Variants in ZNF142 observed in about 807,000 individuals in gnomAD.
ZNF142 encodes zinc finger protein 142 (clone pHZ-49).
In ZNF142, 96 loss-of-function variants were observed where a neutral mutation model predicts 132.1. The observed-to-expected ratio is 0.73, with a 90% CI of 0.62 to 0.86. The LOEUF (loss-of-function observed/expected upper bound fraction) is 0.86. Ranked by LOEUF, ZNF142 falls within the 40% of genes least tolerant of loss-of-function variation. The probability of loss-of-function intolerance (pLI) is 0.00; values close to 1 mark genes in which losing one functional copy is unlikely to be tolerated. For synonymous variants in ZNF142, 842 were observed against 890.1 expected, an observed-to-expected ratio of 0.95 and a Z score of 0.96; for missense variants, 2,163 against 2,336.2, an observed-to-expected ratio of 0.93 and a Z score of 1.53.
In ZNF142 at chr2:218,638,310, T is replaced by A; in HGVS notation, c.*29A>T. On this transcript the variant is annotated 3_prime_UTR_variant, in exon 11 of 11. Coordinates refer to ENST00000411696, the MANE Select transcript of ZNF142 (RefSeq NM_001379659.1). ...AGTCTGCACATCTCAGACCATACCC[T>A]CTTCCTATACAGGAGGTGGGGCAGG... is the stretch of plus-strand genomic sequence containing the variant. The A allele has an allele frequency of 6.7e-7, 1 of 1,488,942 alleles. No homozygotes were observed. Among genetic ancestry groups the A allele is most frequent in the South Asian group, 1.4e-5 (1 of 71,760 alleles). 92.2% of individuals were successfully genotyped at this position (1,488,942 alleles called of 1,614,324 possible). A position where few individuals can be genotyped will look rare whatever the true frequency, so the allele number is the denominator to read the frequency against.
chr2:218,645,470 T>C (rs941463164), intron 8 of ZNF142, among the ~76,000 whole-genome samples: 1 of 152,214 alleles, frequency 6.6e-6, no homozygotes, highest in African/African-American at 2.4e-5. Context: ...CACAGAGGCA[T>C]GACAGGTCTA....
Position 218,643,245 on chromosome 2 carries a change from C to T in ZNF142, c.3871G>A (p.Gly1291Arg), listed in dbSNP as rs1185644538. ...TGCTTTTGAACCAGAACTGTATCCC[C>T]ATCACCAGAGCTGGACTCTGTACTC... ...NGSTESSSGD[G>R]DTVLVQKQKG... Residue 1291 changes from glycine to arginine, a missense_variant, in exon 9 of 11, where the codon GGG (glycine) becomes AGG (arginine). This residue lies in a region of ZNF142 where 809 missense variants were observed against 801.7 expected (regional missense o/e 1.01). Transcript: ENST00000411696. 6.2e-7 allele frequency: 1 copy of T among 1,614,230 alleles called. No homozygotes were observed. The highest frequency in any genetic ancestry group is 8.5e-7 in the Non-Finnish European group (1 of 1,180,044).
Position 218,633,901 on chromosome 2 carries a change from AG to A in ZNF142, c.*4437del, listed in dbSNP as rs1430685467. The A allele has an allele frequency of 6.5e-6, 8 of 1,233,680 alleles. No individual in the cohort carries two copies. Among genetic ancestry groups the A allele is most frequent in the Middle Eastern group, 1.9e-4 (1 of 5,316 alleles). The allele number at this position is 1,233,680 out of a possible 1,614,324, so 76.4% of individuals were successfully genotyped here. On this transcript the variant is annotated 3_prime_UTR_variant, in exon 11 of 11. Coordinates refer to ENST00000411696, the MANE Select transcript of ZNF142 (RefSeq NM_001379659.1). Reference sequence around the variant, plus strand: ...GTTCAGAAACTCCTTAGAGCAGACAAGGGCAGAGGAGTTATGAATAGTGGCT... The same window carrying A: ...GTTCAGAAACTCCTTAGAGCAGACAAGGCAGAGGAGTTATGAATAGTGGCT...
rs773336049 is a variant in ZNF142, at chr2:218,635,887, G to A, written c.*2452C>T. The stretch of plus-strand genomic sequence containing the variant: ...GTGAAAGTGCAGATCTTTGGCGTTC[G>A]TCTAGACACAGCACGGCAGGAGACC... On this transcript the variant is annotated 3_prime_UTR_variant, in exon 11 of 11. Coordinates refer to ENST00000411696, the MANE Select transcript of ZNF142 (RefSeq NM_001379659.1). 1.9e-5 allele frequency: 30 copies of A among 1,613,998 alleles called. No individual in the cohort carries two copies. Among genetic ancestry groups the A allele is most frequent in the Middle Eastern group, 1.6e-4 (1 of 6,062 alleles).
chr2:218,641,185 G>A (rs1038163949), intron 9 of ZNF142, among the ~76,000 whole-genome samples: 1 of 151,550 alleles, frequency 6.6e-6, no homozygotes, highest in African/African-American at 2.4e-5. Context: ...GCAATCCTCT[G>A]GCCTTGGCCT....
intron 6 of ZNF142, 43 bp downstream of exon 6, chr2:218,650,316 T>C: frequency 6.2e-7 from 1 of 1,612,710 alleles, no homozygotes; most frequent in South Asian, 1.1e-5. Context: ...AACAATCCAT[T>C]CTTCCCCACC....
chr2:218,647,415 T>A, intron 7 of ZNF142, among the ~76,000 whole-genome samples: 2 of 1,070 alleles, frequency 1.9e-3, no homozygotes, highest in Non-Finnish European at 5.1e-3. Context: ...AGAGCCAGAC[T>A]CCATCTCAAA....
rs867084664 is a variant in ZNF142 at position 218,637,374 on chromosome 2, C to T, written c.*965G>A. Among the ~76,000 whole-genome samples, 1 of 152,102 alleles carries T rather than the reference C, an allele frequency of 6.6e-6. No individual in the cohort carries two copies. The highest frequency in any genetic ancestry group is 6.5e-5 in the Admixed American group (1 of 15,270). On this transcript the variant is annotated 3_prime_UTR_variant, in exon 11 of 11. Transcript: ENST00000411696. ...AAAGCAGACAAAAGGTTATGTGGTC[C>T]CAGCCTTCCTGAAGAGTCTGGCTGG...
Position 218,644,090 on chromosome 2 carries a change from C to A in ZNF142, c.3026G>T (p.Arg1009Ile), listed in dbSNP as rs1284142969. 2 of 1,614,084 alleles carry A rather than the reference C, an allele frequency of 1.2e-6. No homozygotes were observed. The highest frequency in any genetic ancestry group is 3.3e-4 in the Middle Eastern group (2 of 6,062). Residue 1009 changes from arginine to isoleucine, a missense_variant, in exon 9 of 11, where the codon AGA becomes ATA. Around this residue, in one of 7 missense-constraint regions of ZNF142, gnomAD observed 809 missense variants for 801.7 expected, o/e 1.01. Coordinates refer to ENST00000411696, the MANE Select transcript of ZNF142 (RefSeq NM_001379659.1). The surrounding 1 kb of genome is among the most constrained non-coding windows in gnomAD (Gnocchi z 4.6). ...ESESLLKALR[R>I]QDKEQAEALV... Reference sequence around the variant, plus strand: ...TGCCTCTGCTTGTTCTTTGTCCTGTCTCCTTAGGGCCTTGAGTAATGACTC... The same window carrying A: ...TGCCTCTGCTTGTTCTTTGTCCTGTATCCTTAGGGCCTTGAGTAATGACTC...
Position 218,644,728 on chromosome 2 carries a change from A to G in ZNF142, c.2388T>C (p.His796=). The G allele has an allele frequency of 3.7e-6, 6 of 1,614,188 alleles. No individual in the cohort carries two copies. Among genetic ancestry groups the G allele is most frequent in the Non-Finnish European group, 5.1e-6 (6 of 1,180,036 alleles). The part of the protein sequence containing the change: ...TTLLFHKRKA[H]GYVPGDQAWQ... ...AGGCCTGGTCTCCAGGTACATAGCC[A>G]TGGGCCTTGCGTTTATGGAACAAGA... is the stretch of plus-strand genomic sequence containing the variant. Residue 796 remains histidine, a synonymous_variant, in exon 9 of 11, where the codon CAT becomes CAC. Transcript: ENST00000411696. The surrounding 1 kb of genome is among the most constrained non-coding windows in gnomAD (Gnocchi z 4.6).
At position 218,634,053 on chromosome 2, in the gene ZNF142, G is replaced by C. The variant is rs1483714122; in HGVS notation, c.*4286C>G. On this transcript the variant is annotated 3_prime_UTR_variant, in exon 11 of 11. Coordinates refer to ENST00000411696, the MANE Select transcript of ZNF142 (RefSeq NM_001379659.1). This position sits in a 1 kb window ranked among gnomAD's most constrained non-coding sequence, Gnocchi z 4.0. Reference sequence around the variant, plus strand: ...AGTAGGCATGGTCCTTGGGACTAGGGAAGTGGGAGATTCCACCCCACTTCC... The same window carrying C: ...AGTAGGCATGGTCCTTGGGACTAGGCAAGTGGGAGATTCCACCCCACTTCC... 5.8e-6 allele frequency: 9 copies of C among 1,558,236 alleles called. No homozygotes were observed. The highest frequency in any genetic ancestry group is 1.7e-4 in the Middle Eastern group (1 of 6,018).
rs1371907580 is a variant in ZNF142, at chr2:218,634,709, G to C, written c.*3630C>G. ...AGGGAAGAGGTGGCTAGGCCTGACC[G>C]GAATGTAGAGGCCGGATAGCCTATT... On this transcript the variant is annotated 3_prime_UTR_variant, in exon 11 of 11. Transcript: ENST00000411696. The surrounding 1 kb of genome is among the most constrained non-coding windows in gnomAD (Gnocchi z 4.0). 6.8e-7 allele frequency: 1 copy of C among 1,468,776 alleles called. No homozygotes were observed. Among genetic ancestry groups the C allele is most frequent in the African/African-American group, 1.4e-5 (1 of 71,022 alleles). 91.0% of individuals were successfully genotyped at this position (1,468,776 alleles called of 1,614,324 possible).
Position 218,643,990 on chromosome 2 carries a change from A to G in ZNF142, c.3126T>C (p.Pro1042=). 5 of 1,614,142 alleles carry G rather than the reference A, an allele frequency of 3.1e-6. No homozygotes were observed. The highest frequency in any genetic ancestry group is 4.2e-6 in the Non-Finnish European group (5 of 1,180,020). Residue 1042 remains proline (P), a synonymous_variant, in exon 9 of 11, where the codon CCT becomes CCC. Coordinates refer to ENST00000411696, the MANE Select transcript of ZNF142 (RefSeq NM_001379659.1). Reference sequence around the variant, plus strand: ...GGGCCTTCTCCCGGCGAGTGATAAAAGGGCAGTGTGGGCAGCGGAAGGCTC... The same window carrying G: ...GGGCCTTCTCCCGGCGAGTGATAAAGGGGCAGTGTGGGCAGCGGAAGGCTC... ...EGRAFRCPHC[P]FITRREKALN...
At position 218,656,271 on chromosome 2, in the gene ZNF142, A is replaced by G. The variant is rs1938483250; in HGVS notation, c.159T>C (p.Pro53=). The change falls in exon 4 of 11, where the codon CCT becomes CCC. Residue 53 remains proline, a synonymous_variant. Coordinates refer to ENST00000411696, the MANE Select transcript of ZNF142 (RefSeq NM_001379659.1). ...PCPSRDPAPI[P]TEPGCLLVEA... is the part of the protein sequence containing the mutation. ...CTACCAGCAGGCAGCCTGGCTCAGT[A>G]GGTATAGGTGCAGGGTCCCGGGAAG... 1.9e-6 allele frequency: 3 copies of G among 1,613,348 alleles called. No individual in the cohort carries two copies. In the South Asian group the frequency reaches 3.3e-5, roughly 18 times the overall value.
Position 218,633,491 on chromosome 2 carries a change from G to A in ZNF142, c.*4848C>T. On this transcript the variant is annotated 3_prime_UTR_variant, in exon 11 of 11. Transcript: ENST00000411696. ...TCTCTTGTCCCGGCAGGTGAGGCAG[G>A]AGGGAGAATACAGTGGGGAGGCAGT... 1 of 1,248,260 alleles carries A rather than the reference G, an allele frequency of 8.0e-7. No homozygotes were observed. 77.3% of individuals were successfully genotyped at this position (1,248,260 alleles called of 1,614,324 possible).
chr2:218,646,260 G>C lies in ZNF142; in HGVS notation c.1962C>G (p.Thr654=). The change falls in exon 8 of 11, where the codon ACC becomes ACG. Residue 654 remains threonine (T), a synonymous_variant. Coordinates refer to ENST00000411696, the MANE Select transcript of ZNF142 (RefSeq NM_001379659.1). ...CACATTCAGTGCACATGTAATCCTTGGTGTTGGAGTGGGTCAGCATGTGCT... is the reference window on the plus strand; with the variant it reads ...CACATTCAGTGCACATGTAATCCTTCGTGTTGGAGTGGGTCAGCATGTGCT... The part of the protein sequence containing the change: ...LSKHMLTHSN[T]KDYMCTECGY... 6.2e-7 allele frequency: 1 copy of C among 1,614,188 alleles called. No individual in the cohort carries two copies. The highest frequency in any genetic ancestry group is 8.5e-7 in the Non-Finnish European group (1 of 1,180,044).
intron 8 of ZNF142, among the ~76,000 whole-genome samples, chr2:218,645,752 ACTCT>A (rs765802594): frequency 6.6e-6 from 1 of 151,364 alleles, no homozygotes; most frequent in African/African-American, 2.4e-5. Flanking sequence ...TTAGGAAAAG[ACTCT>A]CTTTTTTCTT....
In ZNF142 at chr2:218,643,128, C is replaced by T. The variant is rs570746579; in HGVS notation, c.3988G>A (p.Glu1330Lys). The change falls in exon 9 of 11, where the codon GAG (glutamate) becomes AAG (lysine). Residue 1330 changes from glutamate to lysine, a missense_variant. By Grantham distance (56) the Glu-to-Lys change is moderately conservative. Transcript: ENST00000411696. ...RTHQIRGCPL[E>K]ESGELHCSLC... ...CTGCAGTGCAGCTCTCCAGACTCCT[C>T]GAGGGGGCAGCCCCGGATCTGGTGA... is the stretch of plus-strand genomic sequence containing the variant. 13 of 1,613,732 alleles carry T rather than the reference C, an allele frequency of 8.1e-6. No individual in the cohort carries two copies. The African/African-American group carries it at 9.3e-5, about 12-fold the overall frequency.
chr2:218,634,345 G>C lies in ZNF142; in HGVS notation c.*3994C>G. 1 of 1,572,576 alleles carries C rather than the reference G, an allele frequency of 6.4e-7. No individual in the cohort carries two copies. The highest frequency in any genetic ancestry group is 8.6e-7 in the Non-Finnish European group (1 of 1,156,702). ...TGCTAGGCTGAGAAATGCTATCAGT[G>C]GATATTACCAGCAGGTACCGTGCAC... On this transcript the variant is annotated 3_prime_UTR_variant, in exon 11 of 11. Transcript: ENST00000411696. The surrounding 1 kb of genome is among the most constrained non-coding windows in gnomAD (Gnocchi z 4.0).
Sources: allele counts gnomAD v4.1 joint callset (sites outside exome capture counted in the v4.1 genomes callset), GRCh38; gene constraint gnomAD v4.1.1; regional missense constraint gnomAD v4.1.1; non-coding constraint Gnocchi (gnomAD v3.1); transcripts MANE v1.5; gene names NCBI Gene and HGNC (gene_info 2026-07-23, HGNC 2026-07-21).